Variants in NAALADL2 observed in about 807,000 individuals in gnomAD.
NAALADL2 encodes the protein N-acetylated alpha-linked acidic dipeptidase like 2, also known as inactive N-acetylated-alpha-linked acidic dipeptidase-like protein 2.
A neutral mutation model predicts 87.2 loss-of-function variants in NAALADL2; 76 were observed. That is an observed-to-expected ratio of 0.87 (90% CI 0.72 to 1.05). The LOEUF is 1.05. Ranked by LOEUF, NAALADL2 falls within the 50% of genes least tolerant of loss-of-function variation. The pLI is 0.00. For missense variants in NAALADL2, 1,089 were observed against 945.8 expected (o/e 1.15, Z -1.99); for synonymous variants, 354 against 331.0 (o/e 1.07, Z -0.75).
At chr3:175,417,195 T>C (rs913512935) in intron 5 of NAALADL2, among the ~76,000 whole-genome samples, 14 of 148,850 alleles carry the variant, frequency 9.4e-5, no homozygotes, top group African/African-American at 3.2e-4. Context: ...TAGATAATAC[T>C]AACTTCTTTT....
chr3:174,468,389 T>TG (rs1172371348), intron 1 of NAALADL2, among the ~76,000 whole-genome samples: 1 of 149,556 alleles, frequency 6.7e-6, no homozygotes, highest in Admixed American at 6.7e-5. Flanking sequence ...TTTTTCTTTT[T>TG]TTTTTTTTTT....
intron 13 of NAALADL2, among the ~76,000 whole-genome samples, chr3:175,765,413 C>A (rs1439163750): frequency 6.6e-6 from 1 of 151,978 alleles, no homozygotes; most frequent in Admixed American, 6.6e-5. Context: ...TCATTTTTTT[C>A]ACTCATTTTG....
Position 175,234,022 on chromosome 3 carries a change from C to G in NAALADL2, c.637C>G (p.Gln213Glu). 2.5e-6 allele frequency: 4 copies of G among 1,613,768 alleles called. No individual in the cohort carries two copies. Among genetic ancestry groups the G allele is most frequent in the Admixed American group, 1.7e-5 (1 of 59,992 alleles). Residue 213 changes from glutamine (Q) to glutamate (E), a missense_variant, in exon 3 of 14, where the codon CAG (glutamine) becomes GAG (glutamate). Coordinates refer to ENST00000454872, the MANE Select transcript of NAALADL2 (RefSeq NM_207015.3). ...QWTSLGLEDVQFVNYSVLLDL... is the reference protein window; with the variant it reads ...QWTSLGLEDVEFVNYSVLLDL... ...GACCTCTTTGGGCCTAGAAGATGTACAGTTTGTAAATTACTCTGTGCTGCT... is the reference window on the plus strand; with the variant it reads ...GACCTCTTTGGGCCTAGAAGATGTAGAGTTTGTAAATTACTCTGTGCTGCT...
chr3:175,485,395 G>T (rs569029128), intron 9 of NAALADL2, among the ~76,000 whole-genome samples: 2 of 152,072 alleles, frequency 1.3e-5, no homozygotes, highest in African/African-American at 4.8e-5. Context: ...TCACTCACAC[G>T]ATCACAAGGT....
intron 4 of NAALADL2, chr3:175,271,235 A>G (rs1752785100): frequency 6.6e-6 from 1 of 152,186 alleles, no homozygotes. Context: ...GTGGAAAAAT[A>G]ATTTTTTCCC....
intron 1 of NAALADL2, among the ~76,000 whole-genome samples, chr3:174,470,516 T>C (rs2108309763): frequency 6.6e-6 from 1 of 152,220 alleles, no homozygotes; most frequent in African/African-American, 2.4e-5. Context: ...TTTAGTTGCA[T>C]TTGCTTTTGA....
chr3:175,735,236 C>A (rs1194776924), intron 11 of NAALADL2, among the ~76,000 whole-genome samples: 1 of 152,162 alleles, frequency 6.6e-6, no homozygotes, highest in Non-Finnish European at 1.5e-5. Context: ...TTATCTGAGA[C>A]CACCTCACCC....
At chr3:174,699,080 G>C (rs1317783131) in intron 2 of NAALADL2, among the ~76,000 whole-genome samples, 3 of 151,972 alleles carry the variant, frequency 2.0e-5, no homozygotes, top group Non-Finnish European at 4.4e-5. Flanking sequence ...GATGAATAAT[G>C]GACCTTTACA....
chr3:175,467,782 G>C lies in NAALADL2; in HGVS notation c.1533+598G>C, dbSNP rs781217866. Reference sequence around the variant, plus strand: ...CCTGTATCCAAATGAAATCTAGCATGCAATGAGGTACAGTTAGAATACAAC... The same window carrying C: ...CCTGTATCCAAATGAAATCTAGCATCCAATGAGGTACAGTTAGAATACAAC... On this transcript the variant is annotated intron_variant, in intron 8 of 13. Transcript: ENST00000454872. 3.9e-5 allele frequency among the ~76,000 whole-genome samples: 6 copies of C among 152,022 alleles called. 1 individual carries two copies. Among genetic ancestry groups the C allele is most frequent in the Admixed American group, 6.6e-5 (1 of 15,248 alleles).
chr3:175,504,565 TTCTCTCTCTCTCTCTCTCTCTC>T (rs200985901), intron 9 of NAALADL2, among the ~76,000 whole-genome samples: 11,928 of 134,396 alleles, frequency 0.089, 538 homozygotes, highest in South Asian at 0.14. Flanking sequence ...CTCTCTCTGT[TTCTCTCTCTCTCTCTCTCTCTC>T]TCTCTCTCTC....
intron 1 of NAALADL2, among the ~76,000 whole-genome samples, chr3:175,058,150 C>T (rs1379871576): frequency 6.6e-6 from 1 of 152,020 alleles, no homozygotes; most frequent in Non-Finnish European, 1.5e-5. Context: ...GGTTTGGTTA[C>T]TGTTGTGTAA....
chr3:174,737,349 T>C (rs1024836494), intron 2 of NAALADL2, among the ~76,000 whole-genome samples: 2 of 152,244 alleles, frequency 1.3e-5, no homozygotes, highest in Non-Finnish European at 2.9e-5. Context: ...AAGTGTGCAA[T>C]TTATGCTTGC....
At chr3:175,055,066 T>C (rs1711837801) in intron 1 of NAALADL2, among the ~76,000 whole-genome samples, 1 of 152,236 alleles carries the variant, frequency 6.6e-6, no homozygotes, top group South Asian at 2.1e-4. Flanking sequence ...ATGATTGAAA[T>C]GTCCTCCTGT....
At chr3:175,603,750 C>G (rs115486814) in intron 10 of NAALADL2, among the ~76,000 whole-genome samples, 4 of 152,036 alleles carry the variant, frequency 2.6e-5, no homozygotes, top group Non-Finnish European at 5.9e-5. Context: ...TTATTAGCTA[C>G]TGAGAATAAC....
chr3:174,949,030 G>A (rs1456156671), intron 1 of NAALADL2, among the ~76,000 whole-genome samples: 1 of 152,122 alleles, frequency 6.6e-6, no homozygotes, highest in African/African-American at 2.4e-5. Flanking sequence ...AGAGAAAGGG[G>A]TCTCTCTGGT....
At chr3:174,871,753 G>T (rs1285078078) in intron 1 of NAALADL2, among the ~76,000 whole-genome samples, 1 of 152,142 alleles carries the variant, frequency 6.6e-6, no homozygotes, top group Non-Finnish European at 1.5e-5. Flanking sequence ...ACAACAGTTA[G>T]CTGGGCGTGG....
chr3:174,827,893 T>C (rs1293180065), intron 3 of NAALADL2, among the ~76,000 whole-genome samples: 2 of 152,180 alleles, frequency 1.3e-5, no homozygotes, highest in Non-Finnish European at 2.9e-5. Flanking sequence ...CTCAAAGTTA[T>C]CATTTCCTGA....
At chr3:175,373,446 T>G (rs1766746402) in intron 5 of NAALADL2, among the ~76,000 whole-genome samples, 1 of 152,206 alleles carries the variant, frequency 6.6e-6, no homozygotes, top group South Asian at 2.1e-4. Flanking sequence ...ATGCCTGGCA[T>G]TTTTTGCTCA....
chr3:174,957,296 A>T (rs527584378), intron 1 of NAALADL2, among the ~76,000 whole-genome samples: 1 of 152,004 alleles, frequency 6.6e-6, no homozygotes, highest in African/African-American at 2.4e-5. Context: ...ACAATGAGTC[A>T]GAAGGAAGAA....
Sources: allele counts gnomAD v4.1 joint callset (sites outside exome capture counted in the v4.1 genomes callset), GRCh38; gene constraint gnomAD v4.1.1; transcripts MANE v1.5; gene names NCBI Gene and HGNC (gene_info 2026-07-23, HGNC 2026-07-21).